The following CPA6 variants were observed in gnomAD, a reference collection of about 807,000 sequenced individuals.
The protein encoded by CPA6 is carboxypeptidase B.
In CPA6, 58 loss-of-function variants were observed where a neutral mutation model predicts 63.3. That is an observed-to-expected ratio of 0.92 (90% CI 0.74 to 1.14). CPA6 has a LOEUF of 1.14. Among genes scored for constraint, CPA6 ranks in the 50% most tolerant of loss-of-function variants. CPA6 has a pLI of 0.00. For synonymous variants in CPA6, 185 were observed against 179.0 expected (o/e 1.03, Z -0.27); for missense variants, 565 against 526.6 (o/e 1.07, Z -0.71).
chr8:67,689,009 TCA>T (rs1391937984), intron 1 of CPA6, among the ~76,000 whole-genome samples: 38 of 151,324 alleles, frequency 2.5e-4, no homozygotes, highest in African/African-American at 8.8e-4. Context: ...AGATGGAGTC[TCA>T]CTCTGTCACC....
chr8:67,670,206 G>T (rs1249422428), intron 1 of CPA6, among the ~76,000 whole-genome samples: 1 of 152,166 alleles, frequency 6.6e-6, no homozygotes, highest in Non-Finnish European at 1.5e-5. Flanking sequence ...ATTGGCTCAT[G>T]GTTCCGCAGG....
At chr8:67,519,629 C>T (rs1417160244) in intron 2 of CPA6, among the ~76,000 whole-genome samples, 4 of 152,226 alleles carry the variant, frequency 2.6e-5, no homozygotes, top group Non-Finnish European at 4.4e-5. Flanking sequence ...CTCCTCCACT[C>T]GCTTGCAAGG....
chr8:67,744,480 C>T (rs954527118), intron 1 of CPA6, among the ~76,000 whole-genome samples: 1 of 152,186 alleles, frequency 6.6e-6, no homozygotes, highest in Non-Finnish European at 1.5e-5. Flanking sequence ...AGGGTGCACA[C>T]CTGCTCAGCT....
chr8:67,645,412 T>C (rs1323068610), intron 1 of CPA6, among the ~76,000 whole-genome samples: 10 of 152,312 alleles, frequency 6.6e-5, no homozygotes, highest in Middle Eastern at 3.4e-3. Flanking sequence ...ATGAATTTCA[T>C]TTAGGCAACA....
At chr8:67,633,436 C>G (rs1156736235) in intron 1 of CPA6, among the ~76,000 whole-genome samples, 1 of 152,198 alleles carries the variant, frequency 6.6e-6, no homozygotes, top group African/African-American at 2.4e-5. Flanking sequence ...AATCCCAGCA[C>G]TTTGGGAGGC....
intron 6 of CPA6, among the ~76,000 whole-genome samples, chr8:67,497,837 A>G (rs1811752448): frequency 6.6e-6 from 1 of 152,140 alleles, no homozygotes; most frequent in South Asian, 2.1e-4. Context: ...GATTACAGGC[A>G]TGCACCACCA....
chr8:67,489,131 A>G (rs1401332758), intron 6 of CPA6, among the ~76,000 whole-genome samples: 2 of 151,160 alleles, frequency 1.3e-5, no homozygotes, highest in African/African-American at 4.9e-5. Context: ...TTTTTTGTAG[A>G]GACAGGGTCT....
At chr8:67,442,077 GA>G (rs1810307008) in intron 8 of CPA6, among the ~76,000 whole-genome samples, 1 of 152,008 alleles carries the variant, frequency 6.6e-6, no homozygotes, top group Non-Finnish European at 1.5e-5. Flanking sequence ...GAAATATAAA[GA>G]AACACAAATA....
intron 2 of CPA6, among the ~76,000 whole-genome samples, chr8:67,540,824 A>C (rs1284652303): frequency 6.6e-6 from 1 of 152,088 alleles, no homozygotes; most frequent in Non-Finnish European, 1.5e-5. Flanking sequence ...CCACCTACTC[A>C]AGCCTCAGTG....
intron 8 of CPA6, among the ~76,000 whole-genome samples, chr8:67,453,498 A>T (rs1278273368): frequency 6.6e-6 from 1 of 152,176 alleles, no homozygotes; most frequent in Non-Finnish European, 1.5e-5. Context: ...ATGCTAATAG[A>T]TATGATATAT....
At chr8:67,542,350 C>T (rs1812724806) in intron 2 of CPA6, among the ~76,000 whole-genome samples, 1 of 152,232 alleles carries the variant, frequency 6.6e-6, no homozygotes, top group East Asian at 1.9e-4. Context: ...ATCAGATGCT[C>T]TTAGTAGCGC....
chr8:67,683,031 T>A (rs1453364556), intron 1 of CPA6, among the ~76,000 whole-genome samples: 2 of 152,244 alleles, frequency 1.3e-5, no homozygotes, highest in African/African-American at 2.4e-5. Context: ...GACTTTCAAC[T>A]TCATTTCCTC....
chr8:67,716,771 T>A (rs1817391000), intron 1 of CPA6, among the ~76,000 whole-genome samples: 1 of 152,236 alleles, frequency 6.6e-6, no homozygotes, highest in Non-Finnish European at 1.5e-5. Flanking sequence ...CTTTTCCTTT[T>A]GGCTTAGTGA....
chr8:67,710,222 G>A (rs1418755824), intron 1 of CPA6, among the ~76,000 whole-genome samples: 1 of 152,122 alleles, frequency 6.6e-6, no homozygotes, highest in Non-Finnish European at 1.5e-5. Context: ...GGGGGTTGTG[G>A]AAACCAAAGT....
chr8:67,452,546 T>C (rs1263524698), intron 8 of CPA6: 1 of 152,220 alleles, frequency 6.6e-6, no homozygotes, highest in African/African-American at 2.4e-5. Context: ...GATACTTTCA[T>C]GTATTCAACA....
intron 2 of CPA6, among the ~76,000 whole-genome samples, chr8:67,545,379 C>G (rs558862376): frequency 2.3e-4 from 35 of 152,240 alleles, no homozygotes; most frequent in Non-Finnish European, 4.4e-4. Context: ...AATGCTACTT[C>G]CTGGTCTACC....
At chr8:67,649,877 A>T (rs547557524) in intron 1 of CPA6, among the ~76,000 whole-genome samples, 1 of 152,186 alleles carries the variant, frequency 6.6e-6, no homozygotes, top group East Asian at 1.9e-4. Flanking sequence ...AGGAAAGGGA[A>T]AGCGGCAAAG....
At chr8:67,588,537 G>A (rs911120193) in intron 2 of CPA6, among the ~76,000 whole-genome samples, 1 of 152,124 alleles carries the variant, frequency 6.6e-6, no homozygotes, top group Non-Finnish European at 1.5e-5. Context: ...AAATTCACCT[G>A]AGGGCTAAAA....
chr8:67,478,988 T>G (rs1292852638), intron 8 of CPA6, among the ~76,000 whole-genome samples: 1 of 152,120 alleles, frequency 6.6e-6, no homozygotes, highest in Non-Finnish European at 1.5e-5. Flanking sequence ...GTCACTGCAC[T>G]CTAGCCTGGG....
Sources: allele counts gnomAD v4.1 joint callset (sites outside exome capture counted in the v4.1 genomes callset), GRCh38; gene constraint gnomAD v4.1.1; transcripts MANE v1.5; gene names NCBI Gene and HGNC (gene_info 2026-07-23, HGNC 2026-07-21).